Variants in TPST1 observed in about 807,000 individuals in gnomAD.
TPST1 encodes the protein tyrosylprotein sulfotransferase 1.
Under a neutral mutation model 34.8 loss-of-function variants are expected in TPST1, and 20 were observed. The ratio of observed to expected loss-of-function variants is 0.57; its 90% CI spans 0.40 to 0.84. The LOEUF is 0.84. Ranked by LOEUF, TPST1 falls within the 40% of genes least tolerant of loss-of-function variation. The pLI, the probability that TPST1 is intolerant of heterozygous loss-of-function variation, is 0.00. For synonymous variants in TPST1, 152 were observed against 159.4 expected, an observed-to-expected ratio of 0.95 and a Z score of 0.35; for missense variants, 353 against 455.5, an observed-to-expected ratio of 0.78 and a Z score of 2.05.
upstream of TPST1, among the ~76,000 whole-genome samples, chr7:66,202,155 T>C (rs1484489061): frequency 6.6e-6 from 1 of 152,188 alleles, no homozygotes; most frequent in Non-Finnish European, 1.5e-5. Context: ...TTTTTCCTTC[T>C]AGCACATATA....
chr7:66,354,400 G>C (rs1401189542), intron 4 of TPST1, among the ~76,000 whole-genome samples: 2 of 150,906 alleles, frequency 1.3e-5, no homozygotes, highest in Admixed American at 1.3e-4. Flanking sequence ...GAGGTCAGGA[G>C]TTCAAGATCT....
At chr7:66,279,973 G>A (rs1439035434) in intron 2 of TPST1, among the ~76,000 whole-genome samples, 1 of 152,190 alleles carries the variant, frequency 6.6e-6, no homozygotes, top group African/African-American at 2.4e-5. Flanking sequence ...TGGGCATTCA[G>A]GACTCTCCTA....
chr7:66,305,732 G>A (rs149552110), intron 3 of TPST1, among the ~76,000 whole-genome samples: 1 of 152,356 alleles, frequency 6.6e-6, no homozygotes, highest in East Asian at 1.9e-4. Flanking sequence ...TAAACTGGGA[G>A]AGCCCACAGC....
rs554922929 is a variant in TPST1, at chr7:66,319,131, C to T, written c.1044+32422C>T. Among the ~76,000 whole-genome samples the T allele has an allele frequency of 5.3e-5, 8 of 152,104 alleles. No homozygotes were observed. In the South Asian group the frequency reaches 1.2e-3, roughly 24 times the overall value. On this transcript the variant is annotated intron_variant, in intron 3 of 5. Coordinates refer to ENST00000304842, the MANE Select transcript of TPST1 (RefSeq NM_003596.4). ...TATTTTATCAGTTCTATAAAATTCT[C>T]GACCATTTTTCTTTGAATATTTCTT... is the stretch of plus-strand genomic sequence containing the variant.
intron 1 of TPST1, among the ~76,000 whole-genome samples, chr7:66,236,850 G>C (rs1268235524): frequency 6.6e-6 from 1 of 152,122 alleles, no homozygotes; most frequent in Non-Finnish European, 1.5e-5. Context: ...CTTTCTAGGA[G>C]TTGCCTTCCT....
chr7:66,259,705 A>T (rs532580406), intron 2 of TPST1, among the ~76,000 whole-genome samples: 1 of 152,108 alleles, frequency 6.6e-6, no homozygotes, highest in African/African-American at 2.4e-5. Flanking sequence ...GCCTCCCCCA[A>T]TATCAGTATC....
chr7:66,305,237 T>C (rs1343139153), intron 3 of TPST1, among the ~76,000 whole-genome samples: 1 of 152,206 alleles, frequency 6.6e-6, no homozygotes, highest in Admixed American at 6.5e-5. Context: ...TGCCAAACTA[T>C]TGTAGTTCTC....
intron 3 of TPST1, among the ~76,000 whole-genome samples, chr7:66,293,047 A>G (rs1268834296): frequency 6.6e-6 from 1 of 152,016 alleles, no homozygotes; most frequent in Non-Finnish European, 1.5e-5. Flanking sequence ...TCTACTAAAT[A>G]CACAAAAAAT....
chr7:66,253,651 A>C (rs928634819), intron 2 of TPST1, among the ~76,000 whole-genome samples: 9 of 151,114 alleles, frequency 6.0e-5, no homozygotes, highest in African/African-American at 2.2e-4. Flanking sequence ...GATTACAGGC[A>C]TGAGCCACTG....
intron 3 of TPST1, among the ~76,000 whole-genome samples, chr7:66,321,894 A>T (rs1339807270): frequency 6.6e-6 from 1 of 152,206 alleles, no homozygotes; most frequent in Non-Finnish European, 1.5e-5. Flanking sequence ...GTGCCAGTTC[A>T]GGTTCTTTGC....
intron 3 of TPST1, among the ~76,000 whole-genome samples, chr7:66,327,779 A>C (rs1791898525): frequency 6.6e-6 from 1 of 151,730 alleles, no homozygotes; most frequent in African/African-American, 2.4e-5. Context: ...AAACTATGAG[A>C]AAAAGCAAAA....
chr7:66,282,463 T>A (rs950088533), intron 2 of TPST1, among the ~76,000 whole-genome samples: 4 of 152,156 alleles, frequency 2.6e-5, no homozygotes, highest in African/African-American at 4.8e-5. Context: ...GCAGGCCAGA[T>A]TGGAGCAATA....
intron 3 of TPST1, among the ~76,000 whole-genome samples, chr7:66,318,464 C>T (rs995017177): frequency 9.2e-5 from 14 of 151,432 alleles, no homozygotes; most frequent in Admixed American, 5.3e-4. Context: ...CAAGTACATT[C>T]TTCAGAATTT....
At chr7:66,245,635 C>CT (rs1164281293) in intron 2 of TPST1, among the ~76,000 whole-genome samples, 2 of 152,200 alleles carry the variant, frequency 1.3e-5, no homozygotes, top group Non-Finnish European at 2.9e-5. Flanking sequence ...CACAAAGAAT[C>CT]TTTGTCAGTT....
chr7:66,212,482 C>G (rs1789284277), intron 1 of TPST1, among the ~76,000 whole-genome samples: 1 of 148,208 alleles, frequency 6.7e-6, no homozygotes, highest in South Asian at 2.1e-4. Context: ...TTTTTTGAGA[C>G]AGAGTCCTAC....
At chr7:66,266,180 C>G (rs948419662) in intron 2 of TPST1, among the ~76,000 whole-genome samples, 1 of 152,114 alleles carries the variant, frequency 6.6e-6, no homozygotes, top group Non-Finnish European at 1.5e-5. Context: ...ATTTTTCTCT[C>G]CTCTTCACTT....
At chr7:66,324,800 C>CAAAAAAAA (rs56389964) in intron 3 of TPST1, among the ~76,000 whole-genome samples, 31 of 109,260 alleles carry the variant, frequency 2.8e-4, no homozygotes, top group Admixed American at 4.2e-4. Flanking sequence ...GACTCTGTCT[C>CAAAAAAAA]AAAAAAAAAA....
At chr7:66,224,366 T>C (rs556327915) in intron 1 of TPST1, among the ~76,000 whole-genome samples, 1 of 152,240 alleles carries the variant, frequency 6.6e-6, no homozygotes, top group South Asian at 2.1e-4. Context: ...GCAGGCACAG[T>C]GGTATTGGCT....
chr7:66,211,144 T>C (rs1053106290), intron 1 of TPST1, among the ~76,000 whole-genome samples: 1 of 152,110 alleles, frequency 6.6e-6, no homozygotes, highest in African/African-American at 2.4e-5. Flanking sequence ...TATTTTTATT[T>C]TTTTTTTGAG....
Sources: gnomAD v4.1 joint callset for allele counts (sites outside exome capture counted in the v4.1 genomes callset) on GRCh38, gnomAD v4.1.1 for gene constraint, MANE v1.5 for transcripts, NCBI Gene and HGNC (gene_info 2026-07-23, HGNC 2026-07-21) for gene names.